Variants in SRPRA observed in about 807,000 individuals in gnomAD.
The protein encoded by SRPRA is signal recognition particle receptor subunit alpha.
Under a neutral mutation model 61.1 loss-of-function variants are expected in SRPRA, and 30 were observed. The observed-to-expected ratio is 0.49, with a 90% CI of 0.37 to 0.67. The LOEUF (loss-of-function observed/expected upper bound fraction) is 0.67. Among genes scored for constraint, SRPRA ranks in the 30% least tolerant of loss-of-function variants. The pLI is 0.00. For missense variants in SRPRA, 759 were observed against 828.4 expected (o/e 0.92, Z 1.03); for synonymous variants, 324 against 299.7 (o/e 1.08, Z -0.84).
Position 126,264,648 on chromosome 11 carries a change from C to A in SRPRA, c.1526-109G>T. 7.4e-7 allele frequency: 1 copy of A among 1,344,418 alleles called. No individual in the cohort carries two copies. The highest frequency in any genetic ancestry group is 1.0e-6 in the Non-Finnish European group (1 of 993,642). 83.3% of individuals were successfully genotyped at this position (1,344,418 alleles called of 1,614,324 possible). ...GACTACCTGTTCACTGTCTTGGGCT[C>A]TGGATTTGGTTCCAAGGTAATGTGA... On this transcript the variant is annotated intron_variant, in intron 11 of 13. Transcript: ENST00000332118. This position sits in a 1 kb window ranked among gnomAD's most constrained non-coding sequence, Gnocchi z 5.0.
At chr11:126,238,481 C>G in the SRPRA span, among the ~76,000 whole-genome samples, 2 of 152,166 alleles carry the variant, frequency 1.3e-5, no homozygotes, top group African/African-American at 4.8e-5. Flanking sequence ...TCCTCATTTC[C>G]TAACTGGATG....
At chr11:126,258,336 A>G (rs1565341522), downstream of SRPRA, among the ~76,000 whole-genome samples, 1 of 152,204 alleles carries the variant, frequency 6.6e-6, no homozygotes, top group African/African-American at 2.4e-5. Flanking sequence ...GCAGTGAGCT[A>G]TGATTGCATC....
chr11:126,256,802 C>T, the SRPRA span: 1 of 1,613,684 alleles, frequency 6.2e-7, no homozygotes, highest in Non-Finnish European at 8.5e-7. This position sits in a 1 kb window ranked among gnomAD's most constrained non-coding sequence, Gnocchi z 6.6. Context: ...GCCGATCTTC[C>T]AGAATATTTC....
At position 126,265,148 on chromosome 11, in the gene SRPRA, C is replaced by A; in HGVS notation, c.1336G>T (p.Gly446Cys). 1 of 1,614,192 alleles carries A rather than the reference C, an allele frequency of 6.2e-7. No homozygotes were observed. Among genetic ancestry groups the A allele is most frequent in the East Asian group, 2.2e-5 (1 of 44,884 alleles). Residue 446 changes from glycine (G) to cysteine (C), a missense_variant, in exon 11 of 14, where the codon GGC becomes TGC. This residue lies in a region of SRPRA where 284 missense variants were observed against 365.9 expected (regional missense o/e 0.78). Transcript: ENST00000332118. This position sits in a 1 kb window ranked among gnomAD's most constrained non-coding sequence, Gnocchi z 6.3. ...CAGGCAGCAATGAGGACACTGAAGC[C>A]ATTCTCTAACAACCAGAAGGAAATC... The part of the protein sequence containing the change: ...AKISFWLLEN[G>C]FSVLIAACDT...
At chr11:126,262,344 A>G, downstream of SRPRA, 1 of 572,136 alleles carries the variant, frequency 1.7e-6, no homozygotes, top group Non-Finnish European at 3.1e-6. Context: ...CAAGTTCAAG[A>G]ATAAAAGCGA....
At chr11:126,254,547 CAG>C in the SRPRA span, 1 of 1,415,994 alleles carries the variant, frequency 7.1e-7, no homozygotes, top group Non-Finnish European at 9.7e-7. Flanking sequence ...AACGGAAGGT[CAG>C]GGGCTAGGAG....
chr11:126,239,744 C>T, the SRPRA span, among the ~76,000 whole-genome samples: 5 of 152,156 alleles, frequency 3.3e-5, no homozygotes, highest in African/African-American at 1.2e-4. Context: ...GAACTCCTGA[C>T]CTCAAGTAAT....
chr11:126,258,158 G>A (rs1274751587), downstream of SRPRA, among the ~76,000 whole-genome samples: 1 of 152,194 alleles, frequency 6.6e-6, no homozygotes, highest in Non-Finnish European at 1.5e-5. Context: ...CACTGTGGGA[G>A]GCCCAGGTGG....
chr11:126,260,879 C>G (rs1217982553), downstream of SRPRA: 1 of 152,560 alleles, frequency 6.6e-6, no homozygotes, highest in Non-Finnish European at 1.5e-5. Flanking sequence ...ATAATCTTCA[C>G]TGTCTAGTAT....
chr11:126,250,175 T>C, the SRPRA span, among the ~76,000 whole-genome samples: 1 of 150,676 alleles, frequency 6.6e-6, no homozygotes, highest in Non-Finnish European at 1.5e-5. The surrounding 1 kb of genome is among the most constrained non-coding windows in gnomAD (Gnocchi z 5.1). Context: ...CACTGCAAGC[T>C]CCGCCTCCTG....
At chr11:126,266,128 AGTTGTATCTTACCAG>A in intron 7 of SRPRA, 44 bp downstream of exon 7, 1 of 1,612,724 alleles carries the variant, frequency 6.2e-7, no homozygotes, top group Non-Finnish European at 8.5e-7. Context: ...AGTAGGCAGG[AGTTGTATCTTACCAG>A]TTTTGCAGAT....
chr11:126,254,456 GTCT>G, the SRPRA span: 1 of 1,612,630 alleles, frequency 6.2e-7, no homozygotes, highest in Non-Finnish European at 8.5e-7. Flanking sequence ...GATCTTGCTG[GTCT>G]CAGGAACTCC....
At chr11:126,241,681 G>A in the SRPRA span, among the ~76,000 whole-genome samples, 1 of 151,898 alleles carries the variant, frequency 6.6e-6, no homozygotes, top group Non-Finnish European at 1.5e-5. Flanking sequence ...TCCTGAGTAG[G>A]TGGGATTACA....
chr11:126,242,016 C>T, the SRPRA span, among the ~76,000 whole-genome samples: 1 of 103,136 alleles, frequency 9.7e-6, no homozygotes, highest in Non-Finnish European at 1.8e-5. Context: ...CAGAGGAAGA[C>T]TCCGTCTCAA....
chr11:126,268,660 T>C lies in SRPRA; in HGVS notation c.117+28A>G, dbSNP rs774898125. ...TGGATCGGGTCAGGAAAGAAGAGCC[T>C]GGAGTTCTGATCCCACGGGGACGGT... is the stretch of plus-strand genomic sequence containing the variant. On this transcript the variant is annotated intron_variant, in intron 1 of 13. Coordinates refer to ENST00000332118, the MANE Select transcript of SRPRA (RefSeq NM_003139.4). The C allele has an allele frequency of 3.2e-6, 5 of 1,586,018 alleles. No individual in the cohort carries two copies. In the East Asian group the frequency reaches 1.1e-4, roughly 35 times the overall value.
At position 126,265,551 on chromosome 11, in the gene SRPRA, C is replaced by A; in HGVS notation, c.1139-111G>T. On this transcript the variant is annotated intron_variant, in intron 9 of 13. Transcript: ENST00000332118. The surrounding 1 kb of genome is among the most constrained non-coding windows in gnomAD (Gnocchi z 6.3). ...CTAAAACAGTAAATTAGACTCTTGT[C>A]CCAGAAATCCAGAACAGACGCACAT... 1 of 1,323,714 alleles carries A rather than the reference C, an allele frequency of 7.6e-7. No individual in the cohort carries two copies. The highest frequency in any genetic ancestry group is 1.0e-6 in the Non-Finnish European group (1 of 966,552). The allele number at this position is 1,323,714 out of a possible 1,614,324, so 82.0% of individuals were successfully genotyped here. A position where few individuals can be genotyped will look rare whatever the true frequency, so the allele number is the denominator to read the frequency against.
Position 126,263,959 on chromosome 11 carries a change from C to T in SRPRA, c.1874G>A (p.Ser625Asn), listed in dbSNP as rs754220092. The change falls in exon 14 of 14, where the codon AGC becomes AAC. Residue 625 changes from serine (S) to asparagine (N), a missense_variant. This residue lies in a region of SRPRA where 284 missense variants were observed against 365.9 expected (regional missense o/e 0.78). Transcript: ENST00000332118. Reference sequence around the variant, plus strand: ...AGCCACCACAGCCTTGGCATTGAGGCTGCGTAGGTCACAGTAGGTCTGGCC... The same window carrying T: ...AGCCACCACAGCCTTGGCATTGAGGTTGCGTAGGTCACAGTAGGTCTGGCC... ...GTGQTYCDLRSLNAKAVVAAL... is the reference protein window; with the variant it reads ...GTGQTYCDLRNLNAKAVVAAL... The T allele has an allele frequency of 6.2e-7, 1 of 1,614,202 alleles. No homozygotes were observed. Among genetic ancestry groups the T allele is most frequent in the Non-Finnish European group, 8.5e-7 (1 of 1,180,034 alleles).
chr11:126,262,013 C>T, downstream of SRPRA: 2 of 997,668 alleles, frequency 2.0e-6, no homozygotes, highest in Non-Finnish European at 3.0e-6. Flanking sequence ...CTAGAATCTC[C>T]TGTCTTGCCT....
chr11:126,256,941 C>G, the SRPRA span: 1 of 1,341,958 alleles, frequency 7.5e-7, no homozygotes, highest in Non-Finnish European at 1.0e-6. The surrounding 1 kb of genome is among the most constrained non-coding windows in gnomAD (Gnocchi z 6.6). Context: ...AAAATAGTTG[C>G]CAAGATGAGG....
Sources: gnomAD v4.1 joint callset for allele counts (sites outside exome capture counted in the v4.1 genomes callset) on GRCh38, gnomAD v4.1.1 for gene constraint, gnomAD v4.1.1 regional missense constraint, Gnocchi (gnomAD v3.1) non-coding constraint, MANE v1.5 for transcripts, NCBI Gene and HGNC (gene_info 2026-07-23, HGNC 2026-07-21) for gene names.